Variants in ALG12 observed in about 807,000 individuals in gnomAD.
ALG12 encodes the protein ALG12 alpha-1,6-mannosyltransferase.
A neutral mutation model predicts 46.0 loss-of-function variants in ALG12; 36 were observed. The ratio of observed to expected loss-of-function variants is 0.78; its 90% CI spans 0.60 to 1.03. The LOEUF (loss-of-function observed/expected upper bound fraction) is 1.03, where lower values mean the gene tolerates loss of function less well. ALG12 is among the 50% of genes least tolerant of loss of function. The probability of loss-of-function intolerance (pLI) is 0.00; values close to 1 mark genes in which losing one functional copy is unlikely to be tolerated. For missense variants in ALG12, 599 were observed against 633.5 expected, an observed-to-expected ratio of 0.95 and a Z score of 0.58; for synonymous variants, 326 against 291.6, an observed-to-expected ratio of 1.12 and a Z score of -1.20.
At chr22:49,916,525 A>G (rs1159811358) in intron 1 of ALG12, among the ~76,000 whole-genome samples, 1 of 152,204 alleles carries the variant, frequency 6.6e-6, no homozygotes, top group East Asian at 1.9e-4. Context: ...GGTTGCAGCA[A>G]GCCAAGATCG....
chr22:49,892,187 CAAAAAAAAAAAAAAA>C, the ALG12 span, among the ~76,000 whole-genome samples: 2 of 55,344 alleles, frequency 3.6e-5, no homozygotes, highest in Admixed American at 2.7e-4. Flanking sequence ...GACTCTGTCT[CAAAAAAAAAAAAAAA>C]AAAAAAAAAA....
chr22:49,916,282 A>G lies in ALG12; in HGVS notation c.-79+1981T>C, dbSNP rs1050116510. On this transcript the variant is annotated intron_variant, in intron 1 of 9. Coordinates refer to ENST00000330817, the MANE Select transcript of ALG12 (RefSeq NM_024105.4). The stretch of plus-strand genomic sequence containing the variant: ...ATAAATAAATAAATTAATTAAATTA[A>G]ATAAAAATATGTTCCAACGGCCGGG... Among the ~76,000 whole-genome samples, 5 of 148,502 alleles carry G rather than the reference A, an allele frequency of 3.4e-5. No individual in the cohort carries two copies. The Admixed American group carries it at 3.4e-4, about 10-fold the overall frequency.
the ALG12 span, among the ~76,000 whole-genome samples, chr22:49,866,917 C>T: frequency 5.3e-5 from 8 of 152,138 alleles, no homozygotes; most frequent in East Asian, 3.8e-4. Flanking sequence ...TTACCTCTTG[C>T]GCCTTCAGGA....
chr22:49,892,710 G>C, the ALG12 span, among the ~76,000 whole-genome samples: 3 of 152,192 alleles, frequency 2.0e-5, no homozygotes, highest in Non-Finnish European at 2.9e-5. Context: ...GACATGGCTT[G>C]AGCCATCTCA....
chr22:49,914,630 C>T (rs1044526153), intron 1 of ALG12, among the ~76,000 whole-genome samples: 6 of 152,234 alleles, frequency 3.9e-5, no homozygotes, highest in East Asian at 1.9e-4. Context: ...AAACTCTTCA[C>T]GTTTCTGGCT....
chr22:49,902,067 G>C lies in ALG12; in HGVS notation c.*1771C>G, dbSNP rs1344326187. On this transcript the variant is annotated 3_prime_UTR_variant, in exon 10 of 10. Coordinates refer to ENST00000330817, the MANE Select transcript of ALG12 (RefSeq NM_024105.4). ...ATGGTAACGTACACGTGTGCACTGT[G>C]TGTGGTGTGCATGCATGGTGTGTGC... 6.9e-6 allele frequency: 1 copy of C among 144,794 alleles called. No individual in the cohort carries two copies. Among genetic ancestry groups the C allele is most frequent in the East Asian group, 2.1e-4 (1 of 4,802 alleles). 9.0% of individuals were successfully genotyped at this position (144,794 alleles called of 1,614,324 possible). A position where few individuals can be genotyped will look rare whatever the true frequency, so the allele number is the denominator to read the frequency against.
At chr22:49,884,329 A>G in the ALG12 span, 27 of 1,613,796 alleles carry the variant, frequency 1.7e-5, 1 homozygote, top group East Asian at 5.8e-4. Context: ...CGATCGAATA[A>G]CAGAGGAGTC....
the ALG12 span, among the ~76,000 whole-genome samples, chr22:49,879,553 G>A: frequency 1.3e-5 from 2 of 149,856 alleles, no homozygotes; most frequent in East Asian, 2.0e-4. Context: ...TCTTATGTCC[G>A]GGCCTGTTTT....
chr22:49,910,325 G>A (rs2060569014), intron 4 of ALG12, 109 bp downstream of exon 4: 3 of 1,439,084 alleles, frequency 2.1e-6, no homozygotes, highest in South Asian at 1.2e-5. Flanking sequence ...GAGGAACCCA[G>A]TGGGGAATGG....
At chr22:49,865,177 C>T in the ALG12 span, among the ~76,000 whole-genome samples, 1 of 152,150 alleles carries the variant, frequency 6.6e-6, no homozygotes, top group Admixed American at 6.5e-5. Flanking sequence ...TGCAACTCTG[C>T]ACAGCAGTTA....
In ALG12 at chr22:49,910,500, C is replaced by T. The variant is rs761571791; in HGVS notation, c.403G>A (p.Ala135Thr). The T allele has an allele frequency of 5.8e-5, 94 of 1,613,892 alleles. No homozygotes were observed. The highest frequency in any genetic ancestry group is 7.7e-5 in the Non-Finnish European group (91 of 1,180,048). Residue 135 changes from alanine (A) to threonine (T), a missense_variant, in exon 4 of 10, where the codon GCC (alanine) becomes ACC (threonine). Physicochemically the swap from Ala to Thr is moderately conservative, Grantham distance 58. Transcript: ENST00000330817. ...TAGAACATCAGGTGGAACTGCATGG[C>T]CGTCACCCAGCAGAACATGGTGGCC... ...MVATMFCWVTAMQFHLMFYCT... is the reference protein window; with the variant it reads ...MVATMFCWVTTMQFHLMFYCT...
the ALG12 span, among the ~76,000 whole-genome samples, chr22:49,873,225 A>G: frequency 6.6e-6 from 1 of 152,198 alleles, no homozygotes; most frequent in African/African-American, 2.4e-5. Flanking sequence ...TGCCTTCATC[A>G]CTAAGCTTAA....
At chr22:49,898,550 C>T (rs553641165), downstream of ALG12, among the ~76,000 whole-genome samples, 132 of 151,908 alleles carry the variant, frequency 8.7e-4, no homozygotes, top group Admixed American at 9.8e-4. Context: ...CCACCATGCC[C>T]GGCTAATTTT....
intron 4 of ALG12, 106 bp from the exon 5 acceptor site, chr22:49,910,194 ACAAATATCC>A: frequency 7.4e-7 from 1 of 1,353,532 alleles, no homozygotes; most frequent in African/African-American, 1.5e-5. Flanking sequence ...TAAAAGCCAC[ACAAATATCC>A]CAGAAAAGAA....
the ALG12 span, among the ~76,000 whole-genome samples, chr22:49,859,925 G>A: frequency 1.3e-5 from 2 of 150,392 alleles, no homozygotes; most frequent in African/African-American, 4.9e-5. Context: ...TACTCAGGAG[G>A]CTGAGATGGG....
the ALG12 span, among the ~76,000 whole-genome samples, chr22:49,860,697 T>C: frequency 1.3e-5 from 2 of 152,210 alleles, no homozygotes; most frequent in South Asian, 4.1e-4. Flanking sequence ...TTACAAATTT[T>C]ATGTACAAAA....
At chr22:49,876,688 G>A in the ALG12 span, among the ~76,000 whole-genome samples, 8,482 of 152,142 alleles carry the variant, frequency 0.056, 642 homozygotes, top group African/African-American at 0.17. Context: ...TGCAGCTGCA[G>A]CGTTTACCCC....
At chr22:49,872,104 G>T in the ALG12 span, among the ~76,000 whole-genome samples, 1 of 152,184 alleles carries the variant, frequency 6.6e-6, no homozygotes, top group African/African-American at 2.4e-5. Context: ...CTATGAAAGA[G>T]TTCTCCATAG....
At chr22:49,889,414 T>C in the ALG12 span, 1 of 167,094 alleles carries the variant, frequency 6.0e-6, no homozygotes. Flanking sequence ...TTTGGCCCTT[T>C]CCAGAATAGC....
Sources: allele counts gnomAD v4.1 joint callset (sites outside exome capture counted in the v4.1 genomes callset), GRCh38; gene constraint gnomAD v4.1.1; transcripts MANE v1.5; gene names NCBI Gene and HGNC (gene_info 2026-07-23, HGNC 2026-07-21).